The following TIMP3 variants were observed in gnomAD, a reference collection of about 807,000 sequenced individuals.
TIMP3 encodes TIMP metallopeptidase inhibitor 3, also known as metalloproteinase inhibitor 3.
TIMP3 carries 11 observed loss-of-function variants against 30.0 expected under a neutral mutation model. The observed-to-expected ratio is 0.37, with a 90% CI of 0.23 to 0.61. TIMP3 has a LOEUF of 0.61. Among genes scored for constraint, TIMP3 ranks in the 20% least tolerant of loss-of-function variants. TIMP3 has a pLI of 0.70. For synonymous variants in TIMP3, 112 were observed against 111.3 expected (o/e 1.01, Z -0.04); for missense variants, 181 against 276.8 (o/e 0.65, Z 2.45).
rs559720670 is a variant in TIMP3 at position 32,810,720 on chromosome 22, A to C, written c.121+8598A>C. 6.2e-4 allele frequency among the ~76,000 whole-genome samples: 95 copies of C among 152,322 alleles called. 1 individual carries two copies. The highest frequency in any genetic ancestry group is 2.2e-3 in the African/African-American group (93 of 41,574). On this transcript the variant is annotated intron_variant, in intron 1 of 4. Transcript: ENST00000266085. ...CATTCAGAAACTTCAGAGCTCCTGC[A>C]ATGCCTGGATTAGGATGTGGGGATG...
chr22:32,838,606 C>G (rs998713792), intron 1 of TIMP3, among the ~76,000 whole-genome samples: 1 of 152,126 alleles, frequency 6.6e-6, no homozygotes, highest in Non-Finnish European at 1.5e-5. Flanking sequence ...TGACTTGCCT[C>G]TTTTTGGAGG....
At chr22:32,844,911 T>C (rs1055023381) in intron 1 of TIMP3, among the ~76,000 whole-genome samples, 2 of 152,142 alleles carry the variant, frequency 1.3e-5, no homozygotes, top group Non-Finnish European at 1.5e-5. Flanking sequence ...TTATTTTTTA[T>C]AGAGACAAGG....
At chr22:32,816,846 G>A (rs528218720) in intron 1 of TIMP3, among the ~76,000 whole-genome samples, 6 of 152,286 alleles carry the variant, frequency 3.9e-5, no homozygotes, top group Middle Eastern at 6.8e-3. Flanking sequence ...TAAGGATGGG[G>A]CAGGCAACAT....
chr22:32,843,635 TG>T (rs550045401), intron 1 of TIMP3, among the ~76,000 whole-genome samples: 1 of 152,136 alleles, frequency 6.6e-6, no homozygotes, highest in Non-Finnish European at 1.5e-5. Flanking sequence ...TGTGTTTTCA[TG>T]GGTAGGGCAT....
chr22:32,810,371 C>T (rs1024179787), intron 1 of TIMP3, among the ~76,000 whole-genome samples: 17 of 152,154 alleles, frequency 1.1e-4, no homozygotes, highest in African/African-American at 2.2e-4. Context: ...GTGGCATTCA[C>T]GGCTTGGAGA....
At chr22:32,857,925 T>C in intron 3 of TIMP3, 92 bp from the exon 4 acceptor site, 1 of 1,592,792 alleles carries the variant, frequency 6.3e-7, no homozygotes, top group Non-Finnish European at 8.6e-7. Context: ...CCACAGTGCC[T>C]GGGCTAAGTG....
Position 32,858,085 on chromosome 22 carries a change from C to G in TIMP3, c.385C>G (p.Leu129Val). Residue 129 changes from leucine (L) to valine (V), a missense_variant, in exon 4 of 5, where the codon CTC becomes GTC. Physicochemically the swap from Leu to Val is conservative, Grantham distance 32. Around this residue, in one of 3 missense-constraint regions of TIMP3, gnomAD observed 63 missense variants for 133.3 expected, o/e 0.47. Transcript: ENST00000266085. The part of the protein sequence containing the change: ...NFVERWDQLT[L>V]SQRKGLNYRY... Reference sequence around the variant, plus strand: ...CGTGGAGAGGTGGGACCAGCTCACCCTCTCCCAGCGCAAGGGGCTGAACTA... The same window carrying G: ...CGTGGAGAGGTGGGACCAGCTCACCGTCTCCCAGCGCAAGGGGCTGAACTA... 6.2e-7 allele frequency: 1 copy of G among 1,614,208 alleles called. No individual in the cohort carries two copies. The highest frequency in any genetic ancestry group is 1.7e-5 in the Admixed American group (1 of 60,026).
intron 1 of TIMP3, among the ~76,000 whole-genome samples, chr22:32,816,233 G>A (rs1042985670): frequency 2.0e-5 from 3 of 152,136 alleles, no homozygotes; most frequent in African/African-American, 7.2e-5. Flanking sequence ...GAGGCCAGAG[G>A]ATTAACACTC....
intron 1 of TIMP3, among the ~76,000 whole-genome samples, chr22:32,811,975 C>CA (rs1204156353): frequency 6.6e-6 from 1 of 152,172 alleles, no homozygotes; most frequent in Non-Finnish European, 1.5e-5. Flanking sequence ...TATCCACTGC[C>CA]AGGGCTAGGA....
chr22:32,850,834 G>A (rs986086044), intron 2 of TIMP3, among the ~76,000 whole-genome samples: 10 of 152,182 alleles, frequency 6.6e-5, no homozygotes, highest in Admixed American at 3.3e-4. Context: ...GAGACAAGCC[G>A]CAATGTCCAG....
intron 2 of TIMP3, among the ~76,000 whole-genome samples, chr22:32,856,166 C>G (rs1396573246): frequency 6.6e-6 from 1 of 152,162 alleles, no homozygotes; most frequent in Non-Finnish European, 1.5e-5. Flanking sequence ...ACAGAGATAT[C>G]ATGAGAATGC....
chr22:32,833,666 C>A (rs1283900726), intron 1 of TIMP3, among the ~76,000 whole-genome samples: 2 of 152,190 alleles, frequency 1.3e-5, no homozygotes, highest in African/African-American at 2.4e-5. Flanking sequence ...GAAGTAGGGG[C>A]TCCCAATTCA....
chr22:32,823,697 A>G (rs561378535), intron 1 of TIMP3, among the ~76,000 whole-genome samples: 1 of 152,186 alleles, frequency 6.6e-6, no homozygotes, highest in African/African-American at 2.4e-5. Context: ...GTGGGCTCCC[A>G]TGGTGCTAAT....
chr22:32,829,710 G>T (rs1367525167), intron 1 of TIMP3, among the ~76,000 whole-genome samples: 2 of 152,244 alleles, frequency 1.3e-5, no homozygotes, highest in African/African-American at 4.8e-5. Context: ...GGCCCAGGCA[G>T]GCCTGCCAAC....
In TIMP3 at chr22:32,859,464, T is replaced by A; in HGVS notation, c.*87T>A. 6.8e-7 allele frequency: 1 copy of A among 1,469,650 alleles called. No homozygotes were observed. Among genetic ancestry groups the A allele is most frequent in the Non-Finnish European group, 9.1e-7 (1 of 1,093,296 alleles). The allele number at this position is 1,469,650 out of a possible 1,614,324, so 91.0% of individuals were successfully genotyped here. Reference sequence around the variant, plus strand: ...CTCTTCCCAGATGATGACAATGAAATTAGTGCCTGTTTTCTTGCAAATTTA... The same window carrying A: ...CTCTTCCCAGATGATGACAATGAAAATAGTGCCTGTTTTCTTGCAAATTTA... On this transcript the variant is annotated 3_prime_UTR_variant, in exon 5 of 5. Transcript: ENST00000266085.
At chr22:32,852,621 T>C (rs1206478050) in intron 2 of TIMP3, among the ~76,000 whole-genome samples, 2 of 152,160 alleles carry the variant, frequency 1.3e-5, no homozygotes, top group Non-Finnish European at 2.9e-5. Context: ...CGAGCCGCCC[T>C]GTCTGACCTC....
At chr22:32,858,278 G>T (rs979235637) in intron 4 of TIMP3, 140 bp downstream of exon 4, 6 of 1,230,072 alleles carry the variant, frequency 4.9e-6, no homozygotes, top group Non-Finnish European at 6.7e-6. Flanking sequence ...GGGCAGGTCT[G>T]AGCAGATATA....
rs372960245 is a variant in TIMP3 at position 32,849,507 on chromosome 22, G to T, written c.177G>T (p.Thr59=). Reference sequence around the variant, plus strand: ...TGGTAAAGGAGGGGCCCTTCGGCACGCTGGTCTACACCATCAAGCAGATGA... The same window carrying T: ...TGGTAAAGGAGGGGCCCTTCGGCACTCTGGTCTACACCATCAAGCAGATGA... ...KKLVKEGPFG[T]LVYTIKQMKM... Residue 59 remains threonine (T), a synonymous_variant, in exon 2 of 5, where the codon ACG becomes ACT. Transcript: ENST00000266085. 1 of 1,613,454 alleles carries T rather than the reference G, an allele frequency of 6.2e-7. No individual in the cohort carries two copies. Among genetic ancestry groups the T allele is most frequent in the Non-Finnish European group, 8.5e-7 (1 of 1,179,856 alleles).
At chr22:32,817,173 G>C (rs146038064) in intron 1 of TIMP3, among the ~76,000 whole-genome samples, 1,625 of 151,696 alleles carry the variant, frequency 0.011, 29 homozygotes, top group African/African-American at 0.037. Context: ...AGCCATGATT[G>C]TACCACTGCA....
Sources: allele counts gnomAD v4.1 joint callset (sites outside exome capture counted in the v4.1 genomes callset), GRCh38; gene constraint gnomAD v4.1.1; regional missense constraint gnomAD v4.1.1; transcripts MANE v1.5; gene names NCBI Gene and HGNC (gene_info 2026-07-23, HGNC 2026-07-21).